DPY19L2: variants seen among roughly 807,000 people sequenced by gnomAD.
DPY19L2 encodes the protein probable C-mannosyltransferase DPY19L2.
DPY19L2 carries 34 observed loss-of-function variants against 97.9 expected under a neutral mutation model. The observed-to-expected ratio is 0.35, with a 90% CI of 0.26 to 0.46. The LOEUF (loss-of-function observed/expected upper bound fraction) is 0.46, where lower values mean the gene tolerates loss of function less well. Among genes scored for constraint, DPY19L2 ranks in the 20% least tolerant of loss-of-function variants. The probability of loss-of-function intolerance (pLI) is 1.00; values close to 1 mark genes in which losing one functional copy is unlikely to be tolerated. For synonymous variants in DPY19L2, 230 were observed against 307.9 expected, an observed-to-expected ratio of 0.75 and a Z score of 2.65; for missense variants, 623 against 911.4, an observed-to-expected ratio of 0.68 and a Z score of 4.07.
At chr12:63,586,271 T>G (rs1592445471) in intron 16 of DPY19L2, among the ~76,000 whole-genome samples, 1 of 151,990 alleles carries the variant, frequency 6.6e-6, no homozygotes, top group Non-Finnish European at 1.5e-5. Flanking sequence ...GAGGGCAAAA[T>G]AAAGCCATTT....
chr12:63,626,576 A>G (rs1212549199), intron 6 of DPY19L2, 50 bp from the exon 7 acceptor site: 1 of 1,540,830 alleles, frequency 6.5e-7, no homozygotes. Flanking sequence ...AATTCATGTA[A>G]AATACAGTGA....
intron 6 of DPY19L2, among the ~76,000 whole-genome samples, chr12:63,635,723 G>C (rs1565813905): frequency 6.6e-6 from 1 of 151,998 alleles, no homozygotes. Flanking sequence ...GAAGCGAGAG[G>C]AGAAGTTTAG....
chr12:63,617,280 C>G (rs1888002581), intron 11 of DPY19L2, 24 bp downstream of exon 11: 3 of 1,542,812 alleles, frequency 1.9e-6, no homozygotes, highest in Admixed American at 1.8e-5. Flanking sequence ...TAAAAAAAAC[C>G]AACTTTATGA....
chr12:63,561,122 A>C (rs968548320), intron 21 of DPY19L2, among the ~76,000 whole-genome samples: 1 of 152,108 alleles, frequency 6.6e-6, no homozygotes, highest in African/African-American at 2.4e-5. Context: ...CTCTTACAGC[A>C]ATTTGTTTTC....
intron 19 of DPY19L2, among the ~76,000 whole-genome samples, chr12:63,579,461 AAAG>A (rs921774161): frequency 7.9e-5 from 12 of 152,214 alleles, no homozygotes; most frequent in Admixed American, 1.3e-4. Context: ...GACAGATTAA[AAAG>A]AAGATCAAAG....
intron 1 of DPY19L2, 81 bp downstream of exon 1, chr12:63,667,976 T>C (rs557031590): frequency 6.7e-7 from 1 of 1,497,668 alleles, no homozygotes; most frequent in Non-Finnish European, 9.0e-7. Flanking sequence ...CACAAACCCT[T>C]GCTTGTTAAA....
In DPY19L2 at chr12:63,668,427, A is replaced by T. The variant is rs771406457; in HGVS notation, c.-34T>A. On this transcript the variant is annotated 5_prime_UTR_variant, in exon 1 of 22. Coordinates refer to ENST00000324472, the MANE Select transcript of DPY19L2 (RefSeq NM_173812.5). ...AGTATGGTGGAGCTGGGTCAATTTCAGGCACAGCCCAGCCGAGTCAGGCGA... is the reference window on the plus strand; with the variant it reads ...AGTATGGTGGAGCTGGGTCAATTTCTGGCACAGCCCAGCCGAGTCAGGCGA... 4 of 1,546,988 alleles carry T rather than the reference A, an allele frequency of 2.6e-6. No individual in the cohort carries two copies. The East Asian group carries it at 9.4e-5, about 36-fold the overall frequency.
intron 2 of DPY19L2, 38 bp from the exon 3 acceptor site, chr12:63,663,883 A>G: frequency 7.1e-7 from 1 of 1,417,330 alleles, no homozygotes; most frequent in African/African-American, 1.4e-5. Flanking sequence ...AATAAGAACG[A>G]GTTTCAAAAC....
At chr12:63,590,105 G>A (rs1026393547) in intron 16 of DPY19L2, among the ~76,000 whole-genome samples, 2 of 146,766 alleles carry the variant, frequency 1.4e-5, no homozygotes, top group African/African-American at 5.3e-5. Context: ...ACACAGCAGC[G>A]AGACAAAAAA....
At chr12:63,639,922 T>C (rs574988752) in intron 6 of DPY19L2, among the ~76,000 whole-genome samples, 24 of 152,262 alleles carry the variant, frequency 1.6e-4, no homozygotes, top group African/African-American at 5.5e-4. Flanking sequence ...TGTGGCACTA[T>C]TCACAATAGC....
At chr12:63,628,101 C>T (rs1283433075) in intron 6 of DPY19L2, among the ~76,000 whole-genome samples, 2 of 151,966 alleles carry the variant, frequency 1.3e-5, no homozygotes, top group Non-Finnish European at 2.9e-5. Flanking sequence ...CCAAGATGGC[C>T]GAATAGGAAC....
intron 6 of DPY19L2, among the ~76,000 whole-genome samples, chr12:63,638,916 A>G (rs2138061493): frequency 6.6e-6 from 1 of 152,254 alleles, no homozygotes; most frequent in South Asian, 2.1e-4. Context: ...AGCAAAAAGT[A>G]CAAAGCTGGA....
At chr12:63,630,980 C>A (rs879712202) in intron 6 of DPY19L2, among the ~76,000 whole-genome samples, 1 of 152,034 alleles carries the variant, frequency 6.6e-6, no homozygotes, top group Admixed American at 6.5e-5. Flanking sequence ...GGGTACATAA[C>A]AAAATGAAGG....
intron 4 of DPY19L2, 160 bp downstream of exon 4, chr12:63,661,184 T>G: frequency 3.0e-6 from 2 of 660,812 alleles, no homozygotes; most frequent in South Asian, 4.8e-5. Context: ...GTCTTTAAAT[T>G]TTAAGAGAGG....
At chr12:63,640,923 C>T (rs1010395793) in intron 6 of DPY19L2, among the ~76,000 whole-genome samples, 3 of 152,096 alleles carry the variant, frequency 2.0e-5, no homozygotes, top group South Asian at 2.1e-4. Flanking sequence ...GACTGAGTCT[C>T]GCTTTGTCGC....
Position 63,578,096 on chromosome 12 carries a change from G to A in DPY19L2, c.1900+2566C>T, listed in dbSNP as rs150443791. On this transcript the variant is annotated intron_variant, in intron 19 of 21. Coordinates refer to ENST00000324472, the MANE Select transcript of DPY19L2 (RefSeq NM_173812.5). ...AGAAAATGTGGTATGTAGACACAACGCAGTGCTATTCAGCCATAAAAACGA... is the reference window on the plus strand; with the variant it reads ...AGAAAATGTGGTATGTAGACACAACACAGTGCTATTCAGCCATAAAAACGA... Among the ~76,000 whole-genome samples, 11 of 152,128 alleles carry A rather than the reference G, an allele frequency of 7.2e-5. No homozygotes were observed. The East Asian group carries it at 1.5e-3, about 21-fold the overall frequency.
At chr12:63,652,806 T>C (rs1290634819) in intron 4 of DPY19L2, among the ~76,000 whole-genome samples, 1 of 152,004 alleles carries the variant, frequency 6.6e-6, no homozygotes, top group Non-Finnish European at 1.5e-5. Flanking sequence ...GAGGACTGAA[T>C]AACTGCCTAT....
At chr12:63,634,639 G>A (rs547214215) in intron 6 of DPY19L2, among the ~76,000 whole-genome samples, 8 of 151,934 alleles carry the variant, frequency 5.3e-5, no homozygotes, top group Admixed American at 2.0e-4. Flanking sequence ...ATTACATCCC[G>A]CACATGGCTC....
chr12:63,588,643 C>T (rs1258974840), intron 16 of DPY19L2, among the ~76,000 whole-genome samples: 3 of 151,480 alleles, frequency 2.0e-5, no homozygotes, highest in Admixed American at 1.3e-4. Context: ...TCATTTTTTA[C>T]TGCTTTATTG....
Sources: allele counts gnomAD v4.1 joint callset (sites outside exome capture counted in the v4.1 genomes callset), GRCh38; gene constraint gnomAD v4.1.1; transcripts MANE v1.5; gene names NCBI Gene and HGNC (gene_info 2026-07-23, HGNC 2026-07-21).